Variants in SLC12A9 observed in about 807,000 individuals in gnomAD.
SLC12A9 encodes solute carrier family 12 member 9, also known as CCC-interacting protein 1.
A neutral mutation model predicts 66.0 loss-of-function variants in SLC12A9; 55 were observed. The ratio of observed to expected loss-of-function variants is 0.83; its 90% CI spans 0.67 to 1.04. The LOEUF (loss-of-function observed/expected upper bound fraction) is 1.04. Among genes scored for constraint, SLC12A9 ranks in the 50% least tolerant of loss-of-function variants. The pLI, the probability that SLC12A9 is intolerant of heterozygous loss-of-function variation, is 0.00. For synonymous variants in SLC12A9, 577 were observed against 569.0 expected (o/e 1.01, Z -0.20); for missense variants, 1,061 against 1,241.9 (o/e 0.85, Z 2.19).
chr7:100,857,052 T>G lies in SLC12A9; in HGVS notation c.633T>G (p.Phe211Leu). The G allele has an allele frequency of 6.2e-7, 1 of 1,614,232 alleles. No homozygotes were observed. The highest frequency in any genetic ancestry group is 8.5e-7 in the Non-Finnish European group (1 of 1,180,026). ...CCCTGGCCTCTGTGCTCATCAGTTT[T>G]GTGGCTGTGGGGCCGAGGGACATCC... ...SGSLASVLIS[F>L]VAVGPRDIRL... Residue 211 changes from phenylalanine (F) to leucine (L), a missense_variant, in exon 5 of 14, where the codon TTT becomes TTG. Phe to Leu is a conservative substitution (Grantham distance 22, BLOSUM62 0). Coordinates refer to ENST00000354161, the MANE Select transcript of SLC12A9 (RefSeq NM_020246.4).
At chr7:100,850,780 C>T (rs1352933753), upstream of SLC12A9, among the ~76,000 whole-genome samples, 10 of 149,076 alleles carry the variant, frequency 6.7e-5, no homozygotes, top group Non-Finnish European at 1.2e-4. Context: ...AGTGTAATGG[C>T]GAGATCTCAG....
At chr7:100,848,897 A>C (rs1297884244), upstream of SLC12A9, among the ~76,000 whole-genome samples, 7 of 129,632 alleles carry the variant, frequency 5.4e-5, no homozygotes, top group South Asian at 2.4e-4. Flanking sequence ...AAAAAAAGGA[A>C]AGAAAGAAAG....
Position 100,860,130 on chromosome 7 carries a change from T to C in SLC12A9, c.1136-20T>C, listed in dbSNP as rs767777213. On this transcript the variant is annotated intron_variant, in intron 8 of 13. Transcript: ENST00000354161. Reference sequence around the variant, plus strand: ...GCTGAGCCCTGGCTGATGTGTCTGCTGTGGATTCTGTTTTTCTAGGCGTGA... The same window carrying C: ...GCTGAGCCCTGGCTGATGTGTCTGCCGTGGATTCTGTTTTTCTAGGCGTGA... 4 of 1,614,220 alleles carry C rather than the reference T, an allele frequency of 2.5e-6. No individual in the cohort carries two copies. Among genetic ancestry groups the C allele is most frequent in the Non-Finnish European group, 3.4e-6 (4 of 1,180,034 alleles).
intron 1 of SLC12A9, among the ~76,000 whole-genome samples, chr7:100,846,963 G>A (rs191094078): frequency 8.0e-4 from 121 of 152,072 alleles, no homozygotes; most frequent in Middle Eastern, 3.4e-3. Flanking sequence ...TCTAATTACC[G>A]GTGCATGCAG....
chr7:100,845,828 G>C (rs562657008), intron 1 of SLC12A9, among the ~76,000 whole-genome samples: 1 of 152,186 alleles, frequency 6.6e-6, no homozygotes, highest in African/African-American at 2.4e-5. Context: ...ACACAAGACG[G>C]CTCGTGAAGA....
chr7:100,845,600 C>T (rs545869719), intron 1 of SLC12A9, among the ~76,000 whole-genome samples: 41 of 152,286 alleles, frequency 2.7e-4, no homozygotes, highest in Non-Finnish European at 2.2e-4. Flanking sequence ...CCACCCGCCT[C>T]GGCCTCCCAA....
chr7:100,865,574 A>G, intron 13 of SLC12A9, 145 bp from the exon 14 acceptor site: 1 of 1,579,956 alleles, frequency 6.3e-7, no homozygotes, highest in South Asian at 1.2e-5. Flanking sequence ...GCAAATATGC[A>G]GAATGTTGCC....
chr7:100,844,058 A>C (rs1279731604), intron 1 of SLC12A9, among the ~76,000 whole-genome samples: 1 of 152,228 alleles, frequency 6.6e-6, no homozygotes, highest in African/African-American at 2.4e-5. Flanking sequence ...TGGCCGAAGC[A>C]TGAGAAAACT....
Position 100,857,040 on chromosome 7 carries a change from G to A in SLC12A9, c.621G>A (p.Val207=), listed in dbSNP as rs1814436793. The A allele has an allele frequency of 6.2e-7, 1 of 1,614,190 alleles. No individual in the cohort carries two copies. Among genetic ancestry groups the A allele is most frequent in the Non-Finnish European group, 8.5e-7 (1 of 1,180,048 alleles). The change falls in exon 5 of 14, where the codon GTG becomes GTA. Residue 207 remains valine (V), a synonymous_variant. Coordinates refer to ENST00000354161, the MANE Select transcript of SLC12A9 (RefSeq NM_020246.4). The part of the protein sequence containing the change: ...FLLVSGSLAS[V]LISFVAVGPR... Reference sequence around the variant, plus strand: ...TGGTCTCTGGCTCCCTGGCCTCTGTGCTCATCAGTTTTGTGGCTGTGGGGC... The same window carrying A: ...TGGTCTCTGGCTCCCTGGCCTCTGTACTCATCAGTTTTGTGGCTGTGGGGC...
chr7:100,826,947 CG>C, exon 1 of SLC12A9: 1 of 1,515,696 alleles, frequency 6.6e-7, no homozygotes, highest in Non-Finnish European at 8.8e-7. Flanking sequence ...CCAGGAGTGA[CG>C]GGGTGCGCCC....
chr7:100,842,103 T>A (rs1450767554), intron 1 of SLC12A9, among the ~76,000 whole-genome samples: 1 of 146,998 alleles, frequency 6.8e-6, no homozygotes, highest in African/African-American at 2.5e-5. Context: ...CCACCAAGAC[T>A]GCTGTTCGTA....
Position 100,865,742 on chromosome 7 carries a change from G to T in SLC12A9, c.1882G>T (p.Val628Phe). ...AGGTGGCATGAAGCCCAACACGTTG[G>T]TCCTAGGTTTCTACGATGACGCTCC... ...GLGGMKPNTL[V>F]LGFYDDAPPQ... The change falls in exon 14 of 14, where the codon GTC becomes TTC. Residue 628 changes from valine (V) to phenylalanine (F), a missense_variant. Coordinates refer to ENST00000354161, the MANE Select transcript of SLC12A9 (RefSeq NM_020246.4). The T allele has an allele frequency of 6.2e-7, 1 of 1,612,964 alleles. No homozygotes were observed. The highest frequency in any genetic ancestry group is 1.7e-4 in the Middle Eastern group (1 of 6,046).
At chr7:100,865,268 T>C (rs1396405051) in intron 13 of SLC12A9, 9 of 1,535,674 alleles carry the variant, frequency 5.9e-6, no homozygotes, top group Non-Finnish European at 7.8e-6. Flanking sequence ...TGGTCCATTT[T>C]TTCATCTTCC....
intron 1 of SLC12A9, chr7:100,827,175 G>T (rs1813430355): frequency 3.9e-6 from 3 of 761,808 alleles, no homozygotes; most frequent in South Asian, 7.7e-5. Flanking sequence ...GCGAGCGTGC[G>T]GGGCACCGGG....
intron 9 of SLC12A9, chr7:100,860,505 G>A: frequency 2.0e-6 from 1 of 488,440 alleles, no homozygotes; most frequent in Admixed American, 3.9e-5. Flanking sequence ...GACACTTTTT[G>A]GGGTATACTA....
chr7:100,847,014 C>T (rs1813932826), intron 1 of SLC12A9, among the ~76,000 whole-genome samples: 1 of 152,082 alleles, frequency 6.6e-6, no homozygotes, highest in African/African-American at 2.4e-5. Flanking sequence ...TCGATCAAGA[C>T]CCTCTCTTGC....
chr7:100,859,214 T>TG, intron 7 of SLC12A9, 53 bp downstream of exon 7: 2 of 1,513,144 alleles, frequency 1.3e-6, no homozygotes, highest in Non-Finnish European at 1.8e-6. Context: ...TGCACCTGGG[T>TG]CACCAAGGGG....
intron 7 of SLC12A9, 24 bp downstream of exon 7, chr7:100,859,185 G>GA: frequency 6.2e-7 from 1 of 1,606,840 alleles, no homozygotes; most frequent in Non-Finnish European, 8.5e-7. Flanking sequence ...GATGGGGGTG[G>GA]AGTGTCGAAC....
intron 1 of SLC12A9, among the ~76,000 whole-genome samples, chr7:100,835,310 G>T (rs1813628135): frequency 6.7e-6 from 1 of 148,238 alleles, no homozygotes; most frequent in Non-Finnish European, 1.5e-5. Context: ...AGCTGAGATG[G>T]TTCCACTGCA....
Sources: allele counts gnomAD v4.1 joint callset (sites outside exome capture counted in the v4.1 genomes callset), GRCh38; gene constraint gnomAD v4.1.1; transcripts MANE v1.5; gene names NCBI Gene and HGNC (gene_info 2026-07-23, HGNC 2026-07-21).